The following LMX1B variants were observed in gnomAD, a reference collection of about 807,000 sequenced individuals.
The protein encoded by LMX1B is LIM homeobox transcription factor 1-beta.
In LMX1B, 12 loss-of-function variants were observed where a neutral mutation model predicts 51.4. The ratio of observed to expected loss-of-function variants is 0.23; its 90% CI spans 0.15 to 0.38. The LOEUF is 0.38. Ranked by LOEUF, LMX1B falls within the 10% of genes least tolerant of loss-of-function variation. LMX1B has a pLI of 1.00. For missense variants in LMX1B, 445 were observed against 571.1 expected (o/e 0.78, Z 2.25); for synonymous variants, 237 against 235.4 (o/e 1.01, Z -0.06).
intron 2 of LMX1B, among the ~76,000 whole-genome samples, chr9:126,683,359 G>T (rs1836713219): frequency 6.6e-6 from 1 of 152,188 alleles, no homozygotes. Flanking sequence ...GTTTGAGTTG[G>T]ATCCCCATCA....
chr9:126,622,056 G>A (rs893468015), intron 2 of LMX1B, among the ~76,000 whole-genome samples: 1 of 152,162 alleles, frequency 6.6e-6, no homozygotes, highest in Non-Finnish European at 1.5e-5. Context: ...ACTGGCAGCC[G>A]CTGGACCTGC....
intron 2 of LMX1B, among the ~76,000 whole-genome samples, chr9:126,675,723 C>G (rs1317849571): frequency 9.1e-6 from 1 of 110,494 alleles, no homozygotes; most frequent in Non-Finnish European, 1.8e-5. Flanking sequence ...GACTCCATCT[C>G]AAAAAAAAAA....
chr9:126,668,429 A>G (rs558995211), intron 2 of LMX1B, among the ~76,000 whole-genome samples: 2 of 126,586 alleles, frequency 1.6e-5, no homozygotes, highest in African/African-American at 6.4e-5. Flanking sequence ...AGCTTTACAA[A>G]TACAGAAGCA....
chr9:126,638,966 C>T (rs891661162), intron 2 of LMX1B, among the ~76,000 whole-genome samples: 10 of 151,060 alleles, frequency 6.6e-5, no homozygotes, highest in Admixed American at 4.0e-4. Context: ...GGCGGATAGC[C>T]GGGCTCTAGG....
At chr9:126,682,669 G>C (rs2118969941) in intron 2 of LMX1B, among the ~76,000 whole-genome samples, 1 of 152,196 alleles carries the variant, frequency 6.6e-6, no homozygotes, top group African/African-American at 2.4e-5. Context: ...GCCCTAGGTG[G>C]GGGGATCACG....
In LMX1B at chr9:126,614,347, G is replaced by A. The variant is rs780146183; in HGVS notation, c.-103G>A. 2.8e-3 allele frequency: 2,431 copies of A among 854,524 alleles called. 6 individuals carry two copies. The highest frequency in any genetic ancestry group is 3.2e-3 in the Non-Finnish European group (2,226 of 694,196). 52.9% of individuals were successfully genotyped at this position (854,524 alleles called of 1,614,324 possible). ...GCCGGCGCAACCCCTGCCCTGCGGGGGCCGCGCCTCCCCGGTTCCAGGGCC... is the reference window on the plus strand; with the variant it reads ...GCCGGCGCAACCCCTGCCCTGCGGGAGCCGCGCCTCCCCGGTTCCAGGGCC... On this transcript the variant is annotated 5_prime_UTR_variant, in exon 1 of 8. Transcript: ENST00000373474.
chr9:126,647,874 G>A (rs940774537), intron 2 of LMX1B, among the ~76,000 whole-genome samples: 3 of 152,230 alleles, frequency 2.0e-5, no homozygotes, highest in African/African-American at 4.8e-5. Flanking sequence ...CATGGACTGG[G>A]TGAGTTCACA....
chr9:126,616,307 T>C (rs753941283), intron 2 of LMX1B, among the ~76,000 whole-genome samples: 5 of 152,202 alleles, frequency 3.3e-5, no homozygotes, highest in Admixed American at 1.3e-4. Flanking sequence ...GATGGCCCGC[T>C]CTGCCCTGGT....
In LMX1B at chr9:126,695,228, C is replaced by T. The variant is rs1209270345; in HGVS notation, c.887-611C>T. Among the ~76,000 whole-genome samples the T allele has an allele frequency of 2.6e-5, 4 of 152,170 alleles. No homozygotes were observed. The highest frequency in any genetic ancestry group is 4.8e-5 in the African/African-American group (2 of 41,438). On this transcript the variant is annotated intron_variant, in intron 6 of 7. Coordinates refer to ENST00000373474, the MANE Select transcript of LMX1B (RefSeq NM_001174147.2). This position sits in a 1 kb window ranked among gnomAD's most constrained non-coding sequence, Gnocchi z 5.2. Reference sequence around the variant, plus strand: ...CACCCTCGTCTACCAAACCCTCCAGCGGCTCCCAGCGGCCTCGGGGACCCC... The same window carrying T: ...CACCCTCGTCTACCAAACCCTCCAGTGGCTCCCAGCGGCCTCGGGGACCCC...
intron 2 of LMX1B, among the ~76,000 whole-genome samples, chr9:126,660,824 T>A (rs947885889): frequency 2.0e-5 from 3 of 152,186 alleles, no homozygotes; most frequent in African/African-American, 7.2e-5. Context: ...CCAAGCCAGT[T>A]GAAGTCAATG....
At chr9:126,633,593 A>G (rs893033610) in intron 2 of LMX1B, among the ~76,000 whole-genome samples, 6 of 151,890 alleles carry the variant, frequency 4.0e-5, no homozygotes, top group Non-Finnish European at 8.8e-5. Flanking sequence ...AGGCTGGGGG[A>G]TGGAAGGGCA....
Position 126,677,058 on chromosome 9 carries a change from G to T in LMX1B, c.327-13778G>T, listed in dbSNP as rs1212118581. On this transcript the variant is annotated intron_variant, in intron 2 of 7. Coordinates refer to ENST00000373474, the MANE Select transcript of LMX1B (RefSeq NM_001174147.2). This position sits in a 1 kb window ranked among gnomAD's most constrained non-coding sequence, Gnocchi z 5.0. ...AGCGGGCGGCTGGGGCGGGGCATGG[G>T]GCGATCAGTTACCCACTAAATGGGC... Among the ~76,000 whole-genome samples the T allele has an allele frequency of 2.0e-5, 3 of 152,188 alleles. No individual in the cohort carries two copies. The highest frequency in any genetic ancestry group is 4.4e-5 in the Non-Finnish European group (3 of 68,028).
chr9:126,616,655 A>G (rs1835308329), intron 2 of LMX1B, among the ~76,000 whole-genome samples: 1 of 152,210 alleles, frequency 6.6e-6, no homozygotes, highest in Non-Finnish European at 1.5e-5. Context: ...AGGGCTGTGT[A>G]TGCCCAAGCC....
chr9:126,652,313 T>C (rs2118904287), intron 2 of LMX1B, among the ~76,000 whole-genome samples: 1 of 151,544 alleles, frequency 6.6e-6, no homozygotes, highest in African/African-American at 2.4e-5. Context: ...GGGGATTTTC[T>C]CTTTCTTCCC....
Position 126,695,697 on chromosome 9 carries a change from G to T in LMX1B, c.887-142G>T. ...GAGCTGGAGTGTGCACCTGGGGAAG[G>T]GGCTGGGGAGTCAGTGTCTGGACAG... On this transcript the variant is annotated intron_variant, in intron 6 of 7. Transcript: ENST00000373474. This position sits in a 1 kb window ranked among gnomAD's most constrained non-coding sequence, Gnocchi z 5.2. 1 of 863,656 alleles carries T rather than the reference G, an allele frequency of 1.2e-6. No individual in the cohort carries two copies. Among genetic ancestry groups the T allele is most frequent in the South Asian group, 1.6e-5 (1 of 60,788 alleles). The allele number at this position is 863,656 out of a possible 1,614,324, so 53.5% of individuals were successfully genotyped here.
chr9:126,690,813 ACGCCCGCT>A lies in LMX1B; in HGVS notation c.327-22_327-15del. Reference sequence around the variant, plus strand: ...GGAGGGACTTCTGAGCACCGCCAACACGCCCGCTTTGTGCATCCGCAGGCTCTTCGCGG... The same window carrying A: ...GGAGGGACTTCTGAGCACCGCCAACATTGTGCATCCGCAGGCTCTTCGCGG... On this transcript the variant is annotated splice_polypyrimidine_tract_variant and intron_variant, in intron 2 of 7. Transcript: ENST00000373474. 1.3e-6 allele frequency: 2 copies of A among 1,584,274 alleles called. No homozygotes were observed. Among genetic ancestry groups the A allele is most frequent in the Non-Finnish European group, 1.7e-6 (2 of 1,168,530 alleles).
chr9:126,616,049 GCCCC>G lies in LMX1B; in HGVS notation c.326+482_326+485del, dbSNP rs1182135656. On this transcript the variant is annotated intron_variant, in intron 2 of 7. Transcript: ENST00000373474. Reference sequence around the variant, plus strand: ...CTGAACGGCCTGAGCGGCAAGGGAGGCCCCCTTTCTGCCAGGCTCACTGCTGCAC... The same window carrying G: ...CTGAACGGCCTGAGCGGCAAGGGAGGCTTTCTGCCAGGCTCACTGCTGCAC... 7.2e-5 allele frequency among the ~76,000 whole-genome samples: 11 copies of G among 152,344 alleles called. No individual in the cohort carries two copies. In the East Asian group the frequency reaches 2.1e-3, roughly 29 times the overall value.
chr9:126,683,734 T>C (rs930211703), intron 2 of LMX1B, among the ~76,000 whole-genome samples: 1 of 152,194 alleles, frequency 6.6e-6, no homozygotes, highest in South Asian at 2.1e-4. Context: ...CAATACATTA[T>C]GATGATTACC....
At chr9:126,653,380 T>A (rs1229980328) in intron 2 of LMX1B, among the ~76,000 whole-genome samples, 2 of 152,104 alleles carry the variant, frequency 1.3e-5, no homozygotes, top group Non-Finnish European at 2.9e-5. Context: ...GGTCTCCAAC[T>A]TCTGGGCTCA....
Sources: allele counts gnomAD v4.1 joint callset (sites outside exome capture counted in the v4.1 genomes callset), GRCh38; gene constraint gnomAD v4.1.1; non-coding constraint Gnocchi (gnomAD v3.1); transcripts MANE v1.5; gene names NCBI Gene and HGNC (gene_info 2026-07-23, HGNC 2026-07-21).